ASAP2: variants seen among roughly 807,000 people sequenced by gnomAD.
ASAP2 encodes arf-GAP with SH3 domain, ANK repeat and PH domain-containing protein 2.
In ASAP2, 45 loss-of-function variants were observed where a neutral mutation model predicts 131.4. The ratio of observed to expected loss-of-function variants is 0.34; its 90% CI spans 0.27 to 0.44. The LOEUF is 0.44. Ranked by LOEUF, ASAP2 falls within the 20% of genes least tolerant of loss-of-function variation. The pLI is 1.00. For synonymous variants in ASAP2, 510 were observed against 503.0 expected (o/e 1.01, Z -0.19); for missense variants, 1,011 against 1,297.0 (o/e 0.78, Z 3.39).
intron 1 of ASAP2, among the ~76,000 whole-genome samples, chr2:9,261,694 C>G (rs192715641): frequency 1.3e-3 from 195 of 152,286 alleles, no homozygotes; most frequent in Non-Finnish European, 2.5e-3. Context: ...ACAGTGTGGC[C>G]GAGTGTAGGA....
chr2:9,294,123 C>T (rs1183218954), intron 2 of ASAP2, among the ~76,000 whole-genome samples: 25 of 151,734 alleles, frequency 1.6e-4, no homozygotes, highest in East Asian at 9.7e-4. Context: ...CTCAGCCTCC[C>T]GAGTAGCTGG....
At position 9,379,019 on chromosome 2, in the gene ASAP2, C is replaced by T. The variant is rs1674621872; in HGVS notation, c.1908C>T (p.Cys636=). Residue 636 remains cysteine (C), a synonymous_variant, in exon 19 of 28, where the codon TGC becomes TGT. Coordinates refer to ENST00000281419, the MANE Select transcript of ASAP2 (RefSeq NM_003887.3). ...GCTGCCTGACCGACAATGCCGAGTG[C>T]CTCAAGTTGCTCCTGCGGGGGAAGG... is the stretch of plus-strand genomic sequence containing the variant. ...HYCCLTDNAE[C]LKLLLRGKAS... 2.5e-6 allele frequency: 4 copies of T among 1,578,200 alleles called. No homozygotes were observed. The highest frequency in any genetic ancestry group is 2.6e-6 in the Non-Finnish European group (3 of 1,161,622).
rs151062778 is a variant in ASAP2 at position 9,403,192 on chromosome 2, C to G, written c.2947-61C>G. 2.6e-4 allele frequency: 384 copies of G among 1,498,088 alleles called. 1 individual carries two copies. In the African/African-American group the frequency reaches 2.9e-3, roughly 11 times the overall value. 92.8% of individuals were successfully genotyped at this position (1,498,088 alleles called of 1,614,324 possible). ...TTCACCAAACGCTCTATGTAATGCTCTTCAAAGTTTCCACCAACATTTGGA... is the reference window on the plus strand; with the variant it reads ...TTCACCAAACGCTCTATGTAATGCTGTTCAAAGTTTCCACCAACATTTGGA... On this transcript the variant is annotated intron_variant, in intron 27 of 27. Transcript: ENST00000281419.
intron 7 of ASAP2, among the ~76,000 whole-genome samples, chr2:9,333,993 G>T (rs1193042052): frequency 6.8e-6 from 1 of 147,472 alleles, no homozygotes; most frequent in Non-Finnish European, 1.5e-5. Flanking sequence ...TGCTTGGTTG[G>T]TTCTTTTCTG....
At chr2:9,319,073 C>G (rs1018242634) in intron 4 of ASAP2, among the ~76,000 whole-genome samples, 1 of 152,216 alleles carries the variant, frequency 6.6e-6, no homozygotes, top group African/African-American at 2.4e-5. Flanking sequence ...TGCCTAGCCA[C>G]CATAAGCACG....
intron 2 of ASAP2, among the ~76,000 whole-genome samples, chr2:9,284,914 T>C (rs926683165): frequency 2.4e-4 from 36 of 152,204 alleles, no homozygotes; most frequent in African/African-American, 8.2e-4. Flanking sequence ...TAAGATGCCT[T>C]ACAATGGAGG....
chr2:9,306,156 G>T (rs2148441001), intron 3 of ASAP2, among the ~76,000 whole-genome samples: 1 of 151,124 alleles, frequency 6.6e-6, no homozygotes, highest in East Asian at 1.9e-4. Flanking sequence ...GTAGACATGG[G>T]GTGGAGGGGC....
Position 9,337,450 on chromosome 2 carries a change from G to A in ASAP2, c.849+2271G>A, listed in dbSNP as rs575779311. ...TCATTTGGTCATTATTGTTTAGGCC[G>A]TCATTCCCTTTGGTTGGATTTTCTT... On this transcript the variant is annotated intron_variant, in intron 9 of 27. Coordinates refer to ENST00000281419, the MANE Select transcript of ASAP2 (RefSeq NM_003887.3). 1.9e-4 allele frequency among the ~76,000 whole-genome samples: 29 copies of A among 152,316 alleles called. No homozygotes were observed. The South Asian group carries it at 5.2e-3, about 27-fold the overall frequency.
chr2:9,233,479 A>G lies in ASAP2; in HGVS notation c.126+26249A>G, dbSNP rs371375146. The stretch of plus-strand genomic sequence containing the variant: ...ATTTTACTTTTTAAGTAACACTTAC[A>G]AAAGTTGTATGGTGGCTTGGGACCA... On this transcript the variant is annotated intron_variant, in intron 1 of 27. Coordinates refer to ENST00000281419, the MANE Select transcript of ASAP2 (RefSeq NM_003887.3). Among the ~76,000 whole-genome samples, 15 of 152,348 alleles carry G rather than the reference A, an allele frequency of 9.8e-5. No individual in the cohort carries two copies. The South Asian group carries it at 2.5e-3, about 25-fold the overall frequency.
chr2:9,356,340 C>T lies in ASAP2; in HGVS notation c.1322C>T (p.Ala441Val), dbSNP rs764142432. ...TGNDVCCDCG[A>V]PDPTWLSTNL... ...AATGACGTCTGCTGTGACTGTGGGG[C>T]GCCAGGTGACCCAGGGACCCCACCC... Residue 441 changes from alanine to valine, a missense_variant, in exon 14 of 28, where the codon GCG becomes GTG. Physicochemically the swap from Ala to Val is moderately conservative, Grantham distance 64. This residue lies in a region of ASAP2 where 359 missense variants were observed against 598.1 expected (regional missense o/e 0.60). Coordinates refer to ENST00000281419, the MANE Select transcript of ASAP2 (RefSeq NM_003887.3). 9 of 1,589,090 alleles carry T rather than the reference C, an allele frequency of 5.7e-6. No homozygotes were observed. Among genetic ancestry groups the T allele is most frequent in the South Asian group, 4.6e-5 (4 of 86,650 alleles).
chr2:9,379,961 C>T (rs1258648585), intron 19 of ASAP2, among the ~76,000 whole-genome samples: 2 of 145,998 alleles, frequency 1.4e-5, no homozygotes, highest in Non-Finnish European at 3.0e-5. Context: ...CATTGCACTC[C>T]AGCCTGGCAA....
chr2:9,210,638 C>G (rs574311978), intron 1 of ASAP2, among the ~76,000 whole-genome samples: 2 of 151,708 alleles, frequency 1.3e-5, no homozygotes, highest in African/African-American at 4.8e-5. Context: ...CACTGCAAGC[C>G]CCGCCTCCCA....
intron 11 of ASAP2, 71 bp downstream of exon 11, chr2:9,344,871 T>C: frequency 7.4e-7 from 1 of 1,357,394 alleles, no homozygotes; most frequent in East Asian, 2.3e-5. Context: ...CTTTCTGAAG[T>C]TAGAGGGCAG....
chr2:9,387,084 G>A (rs983840222), intron 21 of ASAP2, among the ~76,000 whole-genome samples: 2 of 149,984 alleles, frequency 1.3e-5, no homozygotes, highest in Non-Finnish European at 1.5e-5. Flanking sequence ...TGGGTGGGGG[G>A]GCGCCTGTAG....
In ASAP2 at chr2:9,380,783, T is replaced by C; in HGVS notation, c.1991T>C (p.Leu664Pro). 3 of 1,614,148 alleles carry C rather than the reference T, an allele frequency of 1.9e-6. No individual in the cohort carries two copies. Among genetic ancestry groups the C allele is most frequent in the Non-Finnish European group, 2.5e-6 (3 of 1,180,036 alleles). The change falls in exon 20 of 28, where the codon CTC (leucine) becomes CCC (proline). Residue 664 changes from leucine (L) to proline (P), a missense_variant. Leu to Pro is a moderately conservative substitution (Grantham distance 98). Around this residue, in one of 2 missense-constraint regions of ASAP2, gnomAD observed 652 missense variants for 698.9 expected, o/e 0.93. Coordinates refer to ENST00000281419, the MANE Select transcript of ASAP2 (RefSeq NM_003887.3). ...ACTCCGCTGGACATTGCCAAGCGCCTCAAGCACGAGCACTGTGAGGAGCTG... is the reference window on the plus strand; with the variant it reads ...ACTCCGCTGGACATTGCCAAGCGCCCCAAGCACGAGCACTGTGAGGAGCTG... ...GETPLDIAKR[L>P]KHEHCEELLT...
intron 6 of ASAP2, among the ~76,000 whole-genome samples, chr2:9,325,599 C>G (rs1670429980): frequency 6.6e-6 from 1 of 152,218 alleles, no homozygotes; most frequent in African/African-American, 2.4e-5. Flanking sequence ...AAGGTCATAG[C>G]CATGACTTGA....
rs1662104757 is a variant in ASAP2, at chr2:9,217,077, T to G, written c.126+9847T>G. ...TGGAGGTGATGAAGCCAGGATTCATTCAAATCAAGCATTTTGACACCAGAG... is the reference window on the plus strand; with the variant it reads ...TGGAGGTGATGAAGCCAGGATTCATGCAAATCAAGCATTTTGACACCAGAG... On this transcript the variant is annotated intron_variant, in intron 1 of 27. Coordinates refer to ENST00000281419, the MANE Select transcript of ASAP2 (RefSeq NM_003887.3). The surrounding 1 kb of genome is among the most constrained non-coding windows in gnomAD (Gnocchi z 4.0). Among the ~76,000 whole-genome samples, 1 of 152,156 alleles carries G rather than the reference T, an allele frequency of 6.6e-6. No homozygotes were observed. Among genetic ancestry groups the G allele is most frequent in the African/African-American group, 2.4e-5 (1 of 41,438 alleles).
intron 3 of ASAP2, among the ~76,000 whole-genome samples, chr2:9,312,485 C>G (rs1400539499): frequency 6.6e-6 from 1 of 152,134 alleles, no homozygotes; most frequent in East Asian, 1.9e-4. Context: ...TCACGATGCC[C>G]CATCTTTTGA....
In ASAP2 at chr2:9,396,016, C is replaced by T. The variant is rs765770631; in HGVS notation, c.2684+2369C>T. 8.5e-5 allele frequency among the ~76,000 whole-genome samples: 13 copies of T among 152,056 alleles called. No homozygotes were observed. The East Asian group carries it at 1.7e-3, about 20-fold the overall frequency. ...CACCTGGTATCCCCCATCCAGACAC[C>T]GTCCGTTTTGCCCTCTCCAAGAATA... On this transcript the variant is annotated intron_variant, in intron 24 of 27. Coordinates refer to ENST00000281419, the MANE Select transcript of ASAP2 (RefSeq NM_003887.3).
Sources: allele counts gnomAD v4.1 joint callset (sites outside exome capture counted in the v4.1 genomes callset), GRCh38; gene constraint gnomAD v4.1.1; regional missense constraint gnomAD v4.1.1; non-coding constraint Gnocchi (gnomAD v3.1); transcripts MANE v1.5; gene names NCBI Gene and HGNC (gene_info 2026-07-23, HGNC 2026-07-21).